Variants in XKR9 observed in about 807,000 individuals in gnomAD.
The protein encoded by XKR9 is XK related 9, also known as XK-related protein 9.
A neutral mutation model predicts 32.0 loss-of-function variants in XKR9; 32 were observed. The observed-to-expected ratio is 1.00, with a 90% CI of 0.76 to 1.34. The LOEUF is 1.34. Ranked by LOEUF, XKR9 falls within the 40% of genes most tolerant of loss-of-function variation. The probability of loss-of-function intolerance (pLI) is 0.00; values close to 1 mark genes in which losing one functional copy is unlikely to be tolerated. For missense variants in XKR9, 546 were observed against 429.7 expected (o/e 1.27, Z -2.39); for synonymous variants, 168 against 143.4 (o/e 1.17, Z -1.22).
At chr8:70,775,063 C>A (rs933114851) in intron 2 of XKR9, among the ~76,000 whole-genome samples, 27 of 152,130 alleles carry the variant, frequency 1.8e-4, no homozygotes, top group African/African-American at 6.3e-4. Context: ...AAATTTATCC[C>A]TAAATATCTC....
the XKR9 span, among the ~76,000 whole-genome samples, chr8:70,958,913 CAT>C: frequency 6.6e-6 from 1 of 151,868 alleles, no homozygotes; most frequent in Non-Finnish European, 1.5e-5. Flanking sequence ...AATGAAATAA[CAT>C]ATATATAATT....
At chr8:70,959,512 T>C in the XKR9 span, among the ~76,000 whole-genome samples, 2 of 152,352 alleles carry the variant, frequency 1.3e-5, no homozygotes, top group Middle Eastern at 3.4e-3. Flanking sequence ...AATTTAATTA[T>C]GCTTCAGCGA....
chr8:70,976,494 G>A, the XKR9 span, among the ~76,000 whole-genome samples: 1 of 152,138 alleles, frequency 6.6e-6, no homozygotes, highest in African/African-American at 2.4e-5. Context: ...TTGGTCTTTG[G>A]TTCTGTTCAT....
the XKR9 span, among the ~76,000 whole-genome samples, chr8:70,855,583 T>G: frequency 1.3e-5 from 2 of 152,184 alleles, no homozygotes; most frequent in Non-Finnish European, 2.9e-5. Flanking sequence ...ACTTCCCCAA[T>G]CTAGGAAGGC....
chr8:70,788,633 A>T (rs1405054655), intron 2 of XKR9, among the ~76,000 whole-genome samples: 1 of 152,142 alleles, frequency 6.6e-6, no homozygotes, highest in Non-Finnish European at 1.5e-5. Context: ...GTGATTAAAA[A>T]GTTAGATATC....
chr8:70,779,775 G>C (rs754598388), intron 2 of XKR9, among the ~76,000 whole-genome samples: 3 of 152,130 alleles, frequency 2.0e-5, no homozygotes, highest in Non-Finnish European at 4.4e-5. Flanking sequence ...ATGGTAGTTT[G>C]TATTTCTGTG....
At chr8:70,905,554 A>G in the XKR9 span, among the ~76,000 whole-genome samples, 1 of 152,054 alleles carries the variant, frequency 6.6e-6, no homozygotes, top group Admixed American at 6.6e-5. Flanking sequence ...CTTCCTTGTG[A>G]TGAGTTCAGA....
the XKR9 span, among the ~76,000 whole-genome samples, chr8:70,882,927 T>A: frequency 1.3e-5 from 2 of 149,806 alleles, no homozygotes; most frequent in Admixed American, 6.6e-5. Flanking sequence ...GTTAGCTGTC[T>A]TATTCTCCCC....
the XKR9 span, among the ~76,000 whole-genome samples, chr8:70,924,465 T>G: frequency 6.6e-6 from 1 of 152,212 alleles, no homozygotes; most frequent in Non-Finnish European, 1.5e-5. Context: ...GTTTATAAAC[T>G]CCTTCATCCT....
the XKR9 span, among the ~76,000 whole-genome samples, chr8:70,839,190 A>G: frequency 6.6e-6 from 1 of 152,126 alleles, no homozygotes; most frequent in South Asian, 2.1e-4. Context: ...ATGCTGGAAG[A>G]TAGTGAAAGA....
At chr8:70,966,512 C>T in the XKR9 span, among the ~76,000 whole-genome samples, 1 of 152,164 alleles carries the variant, frequency 6.6e-6, no homozygotes, top group South Asian at 2.1e-4. Flanking sequence ...TTTGCATTTG[C>T]TGAGGAGTGT....
the XKR9 span, among the ~76,000 whole-genome samples, chr8:71,004,208 G>A: frequency 1.4e-4 from 22 of 152,108 alleles, no homozygotes; most frequent in African/African-American, 5.3e-4. Context: ...GAAGCATATG[G>A]GTAAAATCAG....
downstream of XKR9, among the ~76,000 whole-genome samples, chr8:70,794,439 G>A (rs370981380): frequency 2.6e-5 from 4 of 152,066 alleles, no homozygotes; most frequent in African/African-American, 9.6e-5. Context: ...CTTACCTTAG[G>A]CAGAAAGCTT....
chr8:70,860,823 A>C, the XKR9 span, among the ~76,000 whole-genome samples: 1 of 151,946 alleles, frequency 6.6e-6, no homozygotes, highest in South Asian at 2.1e-4. Context: ...GACCTGTGCA[A>C]ATTGCCAACT....
intron 3 of XKR9, among the ~76,000 whole-genome samples, chr8:70,698,701 C>A (rs1276824195): frequency 6.6e-6 from 1 of 152,084 alleles, no homozygotes; most frequent in East Asian, 1.9e-4. Context: ...TCTATTAGGT[C>A]CGCTTGGTGC....
downstream of XKR9, among the ~76,000 whole-genome samples, chr8:70,792,453 C>T (rs1201900545): frequency 6.6e-6 from 1 of 152,038 alleles, no homozygotes; most frequent in Non-Finnish European, 1.5e-5. Flanking sequence ...AGTTTTGAGT[C>T]ACAAGAATTT....
At chr8:70,771,376 T>A (rs1353839984) in intron 2 of XKR9, among the ~76,000 whole-genome samples, 1 of 152,210 alleles carries the variant, frequency 6.6e-6, no homozygotes, top group Non-Finnish European at 1.5e-5. Context: ...AAAGTTATTT[T>A]TACAAAGCCT....
intron 2 of XKR9, among the ~76,000 whole-genome samples, chr8:70,677,520 C>T (rs1818924182): frequency 6.6e-6 from 1 of 152,178 alleles, no homozygotes; most frequent in Non-Finnish European, 1.5e-5. Flanking sequence ...CCTTTAATTT[C>T]ACTACAGAAA....
the XKR9 span, among the ~76,000 whole-genome samples, chr8:70,899,382 C>A: frequency 5.4e-5 from 8 of 149,468 alleles, no homozygotes; most frequent in South Asian, 1.5e-3. Flanking sequence ...TTCCCATACT[C>A]CTCAACTCAC....
Sources: allele counts gnomAD v4.1 joint callset (sites outside exome capture counted in the v4.1 genomes callset), GRCh38; gene constraint gnomAD v4.1.1; transcripts MANE v1.5; gene names NCBI Gene and HGNC (gene_info 2026-07-23, HGNC 2026-07-21).